The following BCKDHB variants were observed in gnomAD, a reference collection of about 807,000 sequenced individuals.
BCKDHB encodes 2-oxoisovalerate dehydrogenase subunit beta, mitochondrial.
In BCKDHB, 41 loss-of-function variants were observed where a neutral mutation model predicts 48.5. The ratio of observed to expected loss-of-function variants is 0.85; its 90% CI spans 0.66 to 1.10. The LOEUF is 1.10. Among genes scored for constraint, BCKDHB ranks in the 50% least tolerant of loss-of-function variants. The pLI, the probability that BCKDHB is intolerant of heterozygous loss-of-function variation, is 0.00. For synonymous variants in BCKDHB, 201 were observed against 174.8 expected, an observed-to-expected ratio of 1.15 and a Z score of -1.18; for missense variants, 496 against 494.2, an observed-to-expected ratio of 1.00 and a Z score of -0.03.
the BCKDHB span, among the ~76,000 whole-genome samples, chr6:80,411,554 A>G: frequency 1.3e-5 from 2 of 152,234 alleles, no homozygotes; most frequent in Non-Finnish European, 2.9e-5. Context: ...TTGCTCAGCT[A>G]TACCCTGCCC....
the BCKDHB span, among the ~76,000 whole-genome samples, chr6:80,464,806 T>G: frequency 6.6e-6 from 1 of 152,210 alleles, no homozygotes; most frequent in South Asian, 2.1e-4. Context: ...TAAGTGCTAG[T>G]GCTTTATTGG....
chr6:80,313,477 C>T lies in BCKDHB; in HGVS notation c.1039-30187C>T, dbSNP rs536697177. Among the ~76,000 whole-genome samples, 241 of 152,304 alleles carry T rather than the reference C, an allele frequency of 1.6e-3. 2 individuals are homozygous for T. Among genetic ancestry groups the T allele is most frequent in the Non-Finnish European group, 4.4e-4 (30 of 68,028 alleles). On this transcript the variant is annotated intron_variant, in intron 9 of 9. Transcript: ENST00000320393. Reference sequence around the variant, plus strand: ...CTGGGTTCAAGCGATTCTCCTGCCTCAGCCTCCCGAGTAGCTGGGATTACA... The same window carrying T: ...CTGGGTTCAAGCGATTCTCCTGCCTTAGCCTCCCGAGTAGCTGGGATTACA...
intron 9 of BCKDHB, among the ~76,000 whole-genome samples, chr6:80,323,862 C>T (rs923469033): frequency 9.2e-5 from 14 of 152,224 alleles, no homozygotes; most frequent in South Asian, 2.1e-4. Context: ...AAGCTCCGCC[C>T]CCCGGGTTCA....
intron 1 of BCKDHB, among the ~76,000 whole-genome samples, chr6:80,108,768 G>A (rs1431467239): frequency 1.3e-5 from 2 of 152,058 alleles, no homozygotes; most frequent in African/African-American, 4.8e-5. Context: ...GCTGAGGGAG[G>A]AGAATCGCTT....
chr6:80,119,119 G>T (rs995815109), intron 1 of BCKDHB, among the ~76,000 whole-genome samples: 2 of 152,016 alleles, frequency 1.3e-5, no homozygotes, highest in Non-Finnish European at 2.9e-5. Flanking sequence ...TGAGACCTGG[G>T]CTCTACTAAA....
At chr6:80,287,756 C>T (rs1317682628) in intron 9 of BCKDHB, among the ~76,000 whole-genome samples, 10 of 152,140 alleles carry the variant, frequency 6.6e-5, no homozygotes, top group African/African-American at 1.9e-4. Context: ...CCACCCCATT[C>T]CCCCTGGACG....
intron 8 of BCKDHB, among the ~76,000 whole-genome samples, chr6:80,247,691 A>G (rs1776671921): frequency 6.6e-6 from 1 of 152,206 alleles, no homozygotes; most frequent in Non-Finnish European, 1.5e-5. Flanking sequence ...GTCAGCAGCC[A>G]ACTAAATTCA....
At chr6:80,371,194 A>C in the BCKDHB span, among the ~76,000 whole-genome samples, 1 of 152,116 alleles carries the variant, frequency 6.6e-6, no homozygotes, top group Non-Finnish European at 1.5e-5. Context: ...TGCAGGAGTA[A>C]GGTGGTATCA....
chr6:80,144,511 G>A (rs868770698), intron 3 of BCKDHB, among the ~76,000 whole-genome samples: 1 of 152,134 alleles, frequency 6.6e-6, no homozygotes, highest in African/African-American at 2.4e-5. Context: ...TCATCCTGCA[G>A]TTTGATGAAG....
chr6:80,299,720 C>T (rs963821536), intron 9 of BCKDHB, among the ~76,000 whole-genome samples: 4 of 152,228 alleles, frequency 2.6e-5, no homozygotes, highest in South Asian at 2.1e-4. Flanking sequence ...GTGCTAAACA[C>T]GGAATCAAAA....
At chr6:80,190,689 A>G (rs978757374) in intron 6 of BCKDHB, among the ~76,000 whole-genome samples, 3 of 152,158 alleles carry the variant, frequency 2.0e-5, no homozygotes, top group Non-Finnish European at 4.4e-5. Flanking sequence ...TCTAAGTGCT[A>G]TTTATAATTT....
At chr6:80,258,749 TAA>T (rs75982957) in intron 8 of BCKDHB, among the ~76,000 whole-genome samples, 2 of 140,032 alleles carry the variant, frequency 1.4e-5, no homozygotes, top group African/African-American at 2.6e-5. Context: ...TGAGAGTTAG[TAA>T]AAAAAAAAAA....
the BCKDHB span, among the ~76,000 whole-genome samples, chr6:80,433,663 G>A: frequency 1.3e-5 from 2 of 152,250 alleles, no homozygotes; most frequent in East Asian, 1.9e-4. Context: ...CTTTCCAGGA[G>A]AGTGAAGGGT....
At chr6:80,444,411 A>G in the BCKDHB span, among the ~76,000 whole-genome samples, 3 of 152,324 alleles carry the variant, frequency 2.0e-5, no homozygotes, top group Non-Finnish European at 2.9e-5. Flanking sequence ...AATTCTTGAT[A>G]CTTATTAAAA....
chr6:80,387,002 A>G, the BCKDHB span, among the ~76,000 whole-genome samples: 1 of 152,126 alleles, frequency 6.6e-6, no homozygotes, highest in Non-Finnish European at 1.5e-5. Context: ...GGAGACCTCC[A>G]GCCTTTTACA....
chr6:80,112,633 A>G (rs1315124806), intron 1 of BCKDHB, among the ~76,000 whole-genome samples: 1 of 152,236 alleles, frequency 6.6e-6, no homozygotes, highest in Non-Finnish European at 1.5e-5. Context: ...ACAAGCCCCA[A>G]GAGTGTCCAG....
chr6:80,111,150 C>T (rs1315435447), intron 1 of BCKDHB, among the ~76,000 whole-genome samples: 1 of 152,188 alleles, frequency 6.6e-6, no homozygotes. Flanking sequence ...GGCTTTCCTT[C>T]CATTCCCATA....
chr6:80,221,123 G>A (rs574317470), intron 8 of BCKDHB, among the ~76,000 whole-genome samples: 1 of 152,228 alleles, frequency 6.6e-6, no homozygotes, highest in African/African-American at 2.4e-5. Flanking sequence ...ATTTAATTCT[G>A]TTGTTTTTAT....
the BCKDHB span, among the ~76,000 whole-genome samples, chr6:80,410,305 CT>C: frequency 1.3e-5 from 2 of 152,176 alleles, no homozygotes; most frequent in Admixed American, 6.5e-5. Context: ...CGGGTTTCTG[CT>C]GAGAGATCCA....
Sources: allele counts gnomAD v4.1 joint callset (sites outside exome capture counted in the v4.1 genomes callset), GRCh38; gene constraint gnomAD v4.1.1; transcripts MANE v1.5; gene names NCBI Gene and HGNC (gene_info 2026-07-23, HGNC 2026-07-21).